The following C2orf92 variants were observed in gnomAD, a reference collection of about 807,000 sequenced individuals.
The protein encoded by C2orf92 is chromosome 2 open reading frame 92, also known as uncharacterized protein C2orf92.
intron 6 of C2orf92, among the ~76,000 whole-genome samples, chr2:97,700,025 G>C (rs931504305): frequency 6.6e-6 from 1 of 152,194 alleles, no homozygotes; most frequent in African/African-American, 2.4e-5. Context: ...CACGAAACCA[G>C]CCGATACCTG....
chr2:97,696,415 T>C (rs902193787), intron 5 of C2orf92, among the ~76,000 whole-genome samples: 1 of 151,766 alleles, frequency 6.6e-6, no homozygotes, highest in Admixed American at 6.6e-5. Context: ...CTGCACCTCC[T>C]CCTTGGCAGT....
At chr2:97,667,046 A>G (rs918403561), upstream of C2orf92, 1 of 152,120 alleles carries the variant, frequency 6.6e-6, no homozygotes, top group Non-Finnish European at 1.5e-5. Context: ...TGTGCAGATG[A>G]AGTCATTGGT....
chr2:97,666,264 G>C, upstream of C2orf92, among the ~76,000 whole-genome samples: 1 of 151,508 alleles, frequency 6.6e-6, no homozygotes, highest in East Asian at 2.0e-4. Flanking sequence ...GGGGCCGGGC[G>C]CGGTGGCTTA....
intron 4 of C2orf92, 44 bp from the exon 5 acceptor site, chr2:97,690,212 A>G: frequency 2.5e-6 from 1 of 398,464 alleles, no homozygotes; most frequent in Non-Finnish European, 4.4e-6. Flanking sequence ...GTACTGATGA[A>G]TACCCTTTTT....
chr2:97,680,696 G>T (rs1395151455), intron 3 of C2orf92, among the ~76,000 whole-genome samples: 1 of 152,186 alleles, frequency 6.6e-6, no homozygotes, highest in Non-Finnish European at 1.5e-5. Context: ...GGAGGCCGAG[G>T]CGGGCGGATC....
chr2:97,668,613 A>C (rs763124403), upstream of C2orf92: 2 of 152,168 alleles, frequency 1.3e-5, no homozygotes, highest in African/African-American at 4.8e-5. Flanking sequence ...CATCTACACA[A>C]CACAGGGTTG....
intron 5 of C2orf92, among the ~76,000 whole-genome samples, chr2:97,696,997 C>A (rs1286361122): frequency 6.6e-6 from 1 of 152,198 alleles, no homozygotes; most frequent in African/African-American, 2.4e-5. Context: ...AGATGAAAGA[C>A]TTCAACTTTT....
intron 5 of C2orf92, among the ~76,000 whole-genome samples, chr2:97,691,363 G>C (rs1050077659): frequency 3.9e-5 from 6 of 152,138 alleles, no homozygotes; most frequent in Admixed American, 2.6e-4. Flanking sequence ...GGTGGGGCTG[G>C]GCAGTGGCTG....
At chr2:97,671,559 C>T (rs1342983120) in intron 1 of C2orf92, 2 of 398,478 alleles carry the variant, frequency 5.0e-6, no homozygotes, top group Admixed American at 8.8e-5. Context: ...CGTGCATGGT[C>T]CTCATTGTCT....
chr2:97,665,207 C>T (rs987951076), upstream of C2orf92, among the ~76,000 whole-genome samples: 2 of 152,132 alleles, frequency 1.3e-5, no homozygotes, highest in African/African-American at 4.8e-5. Flanking sequence ...CCAAACGGAT[C>T]CATAGTTATT....
chr2:97,701,556 C>A (rs1338017479), intron 7 of C2orf92, among the ~76,000 whole-genome samples: 2 of 152,202 alleles, frequency 1.3e-5, no homozygotes, highest in Non-Finnish European at 2.9e-5. Context: ...CCTCTCAAGG[C>A]CACTACGGTT....
At chr2:97,677,035 T>C (rs1363786578) in intron 3 of C2orf92, among the ~76,000 whole-genome samples, 7 of 152,148 alleles carry the variant, frequency 4.6e-5, no homozygotes, top group Non-Finnish European at 1.5e-5. Flanking sequence ...TATGGAATAT[T>C]GGTGTCTAGT....
chr2:97,685,339 C>T (rs1379728849), intron 3 of C2orf92, among the ~76,000 whole-genome samples: 1 of 147,600 alleles, frequency 6.8e-6, no homozygotes, highest in Non-Finnish European at 1.5e-5. Context: ...GATCTCGGCT[C>T]ACTGCAAACT....
intron 3 of C2orf92, among the ~76,000 whole-genome samples, chr2:97,681,190 A>G (rs1013320771): frequency 6.7e-6 from 1 of 149,870 alleles, no homozygotes; most frequent in Non-Finnish European, 1.5e-5. Context: ...CTCTAAACCA[A>G]TTAGACCTAG....
chr2:97,689,240 G>A (rs1676054651), intron 4 of C2orf92, among the ~76,000 whole-genome samples: 1 of 152,178 alleles, frequency 6.6e-6, no homozygotes, highest in Non-Finnish European at 1.5e-5. Flanking sequence ...GTGTTAGGCA[G>A]GTTCTGCCAC....
chr2:97,684,740 A>G (rs150787286), intron 3 of C2orf92, among the ~76,000 whole-genome samples: 119 of 152,290 alleles, frequency 7.8e-4, no homozygotes, highest in African/African-American at 2.8e-3. Context: ...AGACACAGCA[A>G]ACTCCTGTAA....
intron 3 of C2orf92, among the ~76,000 whole-genome samples, chr2:97,688,489 A>G (rs892112971): frequency 2.0e-5 from 3 of 152,210 alleles, no homozygotes; most frequent in Non-Finnish European, 4.4e-5. Context: ...TTTTATAAAG[A>G]AAGAGCTTTC....
In C2orf92 at chr2:97,701,145, CTCAT is replaced by C. The variant is rs1407138136; in HGVS notation, c.515-7_515-4del. ...CTCTGTTCACTCTGCGCTGTGTCTT[CTCAT>C]TTAGATGCTCACTTTAGGACTATGC... is the stretch of plus-strand genomic sequence containing the variant. On this transcript the variant is annotated splice_region_variant and splice_polypyrimidine_tract_variant and intron_variant, in intron 6 of 7. Coordinates refer to ENST00000627399, the MANE Select transcript of C2orf92 (RefSeq NM_001351368.2). 5 of 398,962 alleles carry C rather than the reference CTCAT, an allele frequency of 1.3e-5. No individual in the cohort carries two copies. In the Admixed American group the frequency reaches 1.8e-4, roughly 14 times the overall value. The allele number at this position is 398,962 out of a possible 1,614,324, so 24.7% of individuals were successfully genotyped here.
At chr2:97,669,610 C>A, upstream of C2orf92, 1 of 390,232 alleles carries the variant, frequency 2.6e-6, no homozygotes, top group Non-Finnish European at 4.5e-6. Context: ...GCATAGCCCC[C>A]GTCACTGTCC....
Sources: allele counts gnomAD v4.1 joint callset (sites outside exome capture counted in the v4.1 genomes callset), GRCh38; gene constraint gnomAD v4.1.1; transcripts MANE v1.5; gene names NCBI Gene and HGNC (gene_info 2026-07-23, HGNC 2026-07-21).